The following NTRK3 variants were observed in gnomAD, a reference collection of about 807,000 sequenced individuals.
The protein encoded by NTRK3 is NT-3 growth factor receptor.
NTRK3 carries 24 observed loss-of-function variants against 91.7 expected under a neutral mutation model. The observed-to-expected ratio is 0.26, with a 90% CI of 0.19 to 0.37. The LOEUF is 0.37. Among genes scored for constraint, NTRK3 ranks in the 10% least tolerant of loss-of-function variants. NTRK3 has a pLI of 1.00. For synonymous variants in NTRK3, 483 were observed against 404.0 expected (o/e 1.20, Z -2.34); for missense variants, 880 against 1,068.9 (o/e 0.82, Z 2.46).
intron 13 of NTRK3, among the ~76,000 whole-genome samples, chr15:88,089,263 C>G (rs371677711): frequency 6.6e-6 from 1 of 152,144 alleles, no homozygotes; most frequent in South Asian, 2.1e-4. Flanking sequence ...TCTTAAGCCT[C>G]GGCTCAGTTA....
At chr15:88,163,688 G>A (rs2044672756) in intron 5 of NTRK3, among the ~76,000 whole-genome samples, 1 of 152,180 alleles carries the variant, frequency 6.6e-6, no homozygotes, top group South Asian at 2.1e-4. Flanking sequence ...GAAGGAGGCA[G>A]GACCTTCATT....
chr15:87,939,713 A>G (rs929298504), intron 15 of NTRK3, among the ~76,000 whole-genome samples: 1 of 152,184 alleles, frequency 6.6e-6, no homozygotes, highest in African/African-American at 2.4e-5. Context: ...CAGGCTCTAC[A>G]CTGGCCTCAG....
At chr15:87,930,521 C>A (rs1309398013) in intron 16 of NTRK3, among the ~76,000 whole-genome samples, 1 of 152,130 alleles carries the variant, frequency 6.6e-6, no homozygotes, top group Non-Finnish European at 1.5e-5. Context: ...TGCATCAGCT[C>A]ACAAGGAAGA....
At position 87,942,292 on chromosome 15, in the gene NTRK3, C is replaced by T. The variant is rs1435401; in HGVS notation, c.1586-1539G>A. Among the ~76,000 whole-genome samples, 1,513 of 152,324 alleles carry T rather than the reference C, an allele frequency of 9.9e-3. 28 individuals carry two copies. The highest frequency in any genetic ancestry group is 0.034 in the African/African-American group (1,427 of 41,574). On this transcript the variant is annotated intron_variant, in intron 14 of 18. Transcript: ENST00000394480. ...TCCTCCCAAGCCACAGGCTGCAATGCGGCTGCTACACACTGCAGGGCTATG... is the reference window on the plus strand; with the variant it reads ...TCCTCCCAAGCCACAGGCTGCAATGTGGCTGCTACACACTGCAGGGCTATG...
intron 14 of NTRK3, among the ~76,000 whole-genome samples, chr15:87,976,586 A>G (rs573904930): frequency 1.3e-5 from 2 of 152,274 alleles, no homozygotes; most frequent in East Asian, 3.9e-4. Context: ...CCTGAAAGGA[A>G]GAGGGCAAGT....
intron 17 of NTRK3, among the ~76,000 whole-genome samples, chr15:87,909,627 T>A (rs1051940369): frequency 6.6e-6 from 1 of 152,152 alleles, no homozygotes; most frequent in Non-Finnish European, 1.5e-5. Flanking sequence ...TGGACTGAAC[T>A]GTGTGCCCCC....
chr15:88,249,673 C>T (rs1220511844), intron 3 of NTRK3, among the ~76,000 whole-genome samples: 1 of 152,154 alleles, frequency 6.6e-6, no homozygotes, highest in East Asian at 1.9e-4. Context: ...TCTCAGGACT[C>T]CACTGGGCCC....
intron 3 of NTRK3, chr15:88,205,951 C>T (rs2048711856): frequency 6.6e-6 from 1 of 152,250 alleles, no homozygotes; most frequent in Non-Finnish European, 1.5e-5. Flanking sequence ...GGTCCAGTTG[C>T]AACAGCTGCC....
At chr15:88,042,266 G>A (rs56041749) in intron 13 of NTRK3, among the ~76,000 whole-genome samples, 32,690 of 152,148 alleles carry the variant, frequency 0.21, 3,955 homozygotes, top group Middle Eastern at 0.34. Context: ...AAAAGAGGCT[G>A]GTCCTCAGAG....
chr15:88,147,227 C>T lies in NTRK3; in HGVS notation c.464+108G>A, dbSNP rs541444534. On this transcript the variant is annotated intron_variant, in intron 6 of 18. Coordinates refer to ENST00000394480, the Ensembl canonical transcript of NTRK3. ...TGTCAACCAACCCAAGTAGGCTCTT[C>T]GAGTAGATGTATGCTCAGCCTTCAG... 7.0e-5 allele frequency: 71 copies of T among 1,021,292 alleles called. No individual in the cohort carries two copies. In the African/African-American group the frequency reaches 7.3e-4, roughly 10 times the overall value. The allele number at this position is 1,021,292 out of a possible 1,614,324, so 63.3% of individuals were successfully genotyped here.
intron 14 of NTRK3, among the ~76,000 whole-genome samples, chr15:88,031,480 G>C (rs1161826505): frequency 1.3e-5 from 2 of 152,216 alleles, no homozygotes; most frequent in African/African-American, 4.8e-5. Context: ...TTAGCCAGAA[G>C]TGAACTAATC....
intron 13 of NTRK3, among the ~76,000 whole-genome samples, chr15:88,110,261 A>C (rs1250307082): frequency 6.6e-6 from 1 of 152,204 alleles, no homozygotes; most frequent in Non-Finnish European, 1.5e-5. Context: ...AGATCAGGTA[A>C]ACATGGAGGT....
intron 5 of NTRK3, among the ~76,000 whole-genome samples, chr15:88,165,412 C>A (rs1484447950): frequency 6.6e-6 from 1 of 152,174 alleles, no homozygotes; most frequent in African/African-American, 2.4e-5. Flanking sequence ...ACTGCTATGG[C>A]TGACCTCAAC....
intron 13 of NTRK3, among the ~76,000 whole-genome samples, chr15:88,059,306 T>C (rs754670274): frequency 6.6e-6 from 1 of 152,212 alleles, no homozygotes; most frequent in African/African-American, 2.4e-5. Flanking sequence ...AGATCAGCGA[T>C]GGCTCTGCTG....
intron 14 of NTRK3, among the ~76,000 whole-genome samples, chr15:87,991,166 C>T (rs1393658739): frequency 6.6e-6 from 1 of 152,160 alleles, no homozygotes; most frequent in Non-Finnish European, 1.5e-5. Flanking sequence ...TACCTTTCTG[C>T]TCCCTTTCTT....
chr15:88,155,448 A>G (rs1269883542), intron 5 of NTRK3, among the ~76,000 whole-genome samples: 1 of 152,218 alleles, frequency 6.6e-6, no homozygotes, highest in East Asian at 1.9e-4. Context: ...GCCTGATGAG[A>G]CCCATGTTGA....
intron 3 of NTRK3, among the ~76,000 whole-genome samples, chr15:88,220,838 G>A (rs2050174657): frequency 6.6e-6 from 1 of 152,184 alleles, no homozygotes; most frequent in Non-Finnish European, 1.5e-5. Context: ...CACATCCATA[G>A]GAAGTGATCA....
intron 5 of NTRK3, among the ~76,000 whole-genome samples, chr15:88,181,727 G>A (rs2046480947): frequency 6.6e-6 from 1 of 152,158 alleles, no homozygotes; most frequent in Non-Finnish European, 1.5e-5. Flanking sequence ...AACTTGAGTT[G>A]TTTCACGGAA....
intron 3 of NTRK3, among the ~76,000 whole-genome samples, chr15:88,224,428 G>T (rs138752546): frequency 9.8e-5 from 15 of 152,330 alleles, no homozygotes; most frequent in African/African-American, 3.6e-4. Flanking sequence ...GCCTCAACAA[G>T]CTGGGTCTAA....
Sources: allele counts gnomAD v4.1 joint callset (sites outside exome capture counted in the v4.1 genomes callset), GRCh38; gene constraint gnomAD v4.1.1; transcripts MANE v1.5; gene names NCBI Gene and HGNC (gene_info 2026-07-23, HGNC 2026-07-21).